The following OCA2 variants were observed in gnomAD, a reference collection of about 807,000 sequenced individuals.
The protein encoded by OCA2 is P protein.
Under a neutral mutation model 100.2 loss-of-function variants are expected in OCA2, and 77 were observed. The ratio of observed to expected loss-of-function variants is 0.77; its 90% CI spans 0.64 to 0.93. The LOEUF is 0.93. OCA2 is among the 40% of genes least tolerant of loss of function. OCA2 has a pLI of 0.00. For synonymous variants in OCA2, 432 were observed against 439.2 expected (o/e 0.98, Z 0.21); for missense variants, 1,062 against 1,089.1 (o/e 0.98, Z 0.35).
the OCA2 span, among the ~76,000 whole-genome samples, chr15:27,740,131 C>T: frequency 6.6e-6 from 1 of 152,174 alleles, no homozygotes; most frequent in African/African-American, 2.4e-5. Flanking sequence ...CATCTGCTTC[C>T]ATAGACGTGA....
chr15:27,951,115 T>C (rs2040011084), intron 18 of OCA2, among the ~76,000 whole-genome samples: 2 of 152,126 alleles, frequency 1.3e-5, no homozygotes, highest in Admixed American at 1.3e-4. Context: ...AGAACGTTTA[T>C]GGAGGGTGGA....
Position 28,027,942 on chromosome 15 carries a change from A to T in OCA2, c.444T>A (p.Ser148=), listed in dbSNP as rs769230626. 6.2e-7 allele frequency: 1 copy of T among 1,614,220 alleles called. No individual in the cohort carries two copies. The highest frequency in any genetic ancestry group is 8.5e-7 in the Non-Finnish European group (1 of 1,180,046). The change falls in exon 4 of 24, where the codon TCT becomes TCA. Residue 148 remains serine, a synonymous_variant. Transcript: ENST00000354638. ...YLLSREVSGL[S]ASASSEKGDL... is the part of the protein sequence containing the mutation. ...CTCCCTTCTCGGAGGAGGCAGATGCAGACAGACCAGACACCTCCCTGCTTA... is the reference window on the plus strand; with the variant it reads ...CTCCCTTCTCGGAGGAGGCAGATGCTGACAGACCAGACACCTCCCTGCTTA...
intron 2 of OCA2, among the ~76,000 whole-genome samples, chr15:28,049,780 T>C (rs1049809590): frequency 2.0e-5 from 3 of 152,186 alleles, no homozygotes; most frequent in Non-Finnish European, 4.4e-5. Context: ...AGAAAGGAAA[T>C]TGCAGGTTCC....
At chr15:27,791,791 G>A (rs1053527216) in intron 23 of OCA2, among the ~76,000 whole-genome samples, 3 of 152,186 alleles carry the variant, frequency 2.0e-5, no homozygotes, top group African/African-American at 2.4e-5. Context: ...CACACTACGG[G>A]GTTGCTTTGG....
chr15:27,794,062 A>C (rs1007057296), intron 23 of OCA2, among the ~76,000 whole-genome samples: 1 of 152,222 alleles, frequency 6.6e-6, no homozygotes, highest in Non-Finnish European at 1.5e-5. Flanking sequence ...TTTTCTTAGT[A>C]AGTCACATTC....
chr15:27,938,248 T>C (rs1392370880), intron 18 of OCA2, among the ~76,000 whole-genome samples: 1 of 152,156 alleles, frequency 6.6e-6, no homozygotes, highest in African/African-American at 2.4e-5. Flanking sequence ...GAAGTGCATG[T>C]AGCTGTGCAG....
chr15:27,813,783 A>T (rs972965982), intron 23 of OCA2, among the ~76,000 whole-genome samples: 5 of 152,212 alleles, frequency 3.3e-5, no homozygotes, highest in Non-Finnish European at 7.3e-5. Flanking sequence ...GAAAGCACTG[A>T]TCTAAAGAAA....
intron 15 of OCA2, among the ~76,000 whole-genome samples, chr15:27,962,309 C>A (rs1406223910): frequency 6.6e-6 from 1 of 152,218 alleles, no homozygotes; most frequent in Non-Finnish European, 1.5e-5. Context: ...GCCACCCTAG[C>A]CTCTTACTAG....
At chr15:27,893,962 A>T (rs2037577154) in intron 19 of OCA2, among the ~76,000 whole-genome samples, 1 of 151,846 alleles carries the variant, frequency 6.6e-6, no homozygotes, top group African/African-American at 2.4e-5. Context: ...GATGCATGTG[A>T]TCTTTGTACT....
At chr15:27,953,164 C>T (rs2040093090) in intron 17 of OCA2, among the ~76,000 whole-genome samples, 1 of 152,198 alleles carries the variant, frequency 6.6e-6, no homozygotes, top group African/African-American at 2.4e-5. Context: ...TGGATTTGGA[C>T]AGATATAGAC....
intron 19 of OCA2, among the ~76,000 whole-genome samples, chr15:27,881,225 G>A (rs2037001058): frequency 6.6e-6 from 1 of 152,156 alleles, no homozygotes. Context: ...TGATCGTGGT[G>A]GATAAGCTTT....
rs1342972074 is a variant in OCA2 at position 27,815,821 on chromosome 15, TA to T, written c.2432+29137del. 3.3e-5 allele frequency among the ~76,000 whole-genome samples: 5 copies of T among 152,372 alleles called. 1 individual carries two copies. The South Asian group carries it at 1.0e-3, about 32-fold the overall frequency. ...TAGCACACACAGTGACCCCCGTGTTTATGTTTTACAAAGAAAATAATCATAT... is the reference window on the plus strand; with the variant it reads ...TAGCACACACAGTGACCCCCGTGTTTTGTTTTACAAAGAAAATAATCATAT... On this transcript the variant is annotated intron_variant, in intron 23 of 23. Coordinates refer to ENST00000354638, the MANE Select transcript of OCA2 (RefSeq NM_000275.3).
At chr15:27,829,561 C>T (rs1245502579) in intron 23 of OCA2, among the ~76,000 whole-genome samples, 1 of 152,204 alleles carries the variant, frequency 6.6e-6, no homozygotes, top group Non-Finnish European at 1.5e-5. Context: ...GCCAAGGGGG[C>T]TGGCTTCAGC....
At chr15:28,070,092 A>C (rs1397909157) in intron 2 of OCA2, among the ~76,000 whole-genome samples, 4 of 100,716 alleles carry the variant, frequency 4.0e-5, no homozygotes, top group African/African-American at 2.3e-4. Flanking sequence ...TGCCCGGCCG[A>C]GACCCCGTCT....
chr15:27,967,086 T>C (rs191481691), intron 14 of OCA2, among the ~76,000 whole-genome samples: 3 of 152,260 alleles, frequency 2.0e-5, no homozygotes, highest in African/African-American at 7.2e-5. Flanking sequence ...GCCGAGATCA[T>C]GCCACTGCAC....
chr15:27,956,804 C>T (rs961312809), intron 16 of OCA2, among the ~76,000 whole-genome samples: 2 of 152,252 alleles, frequency 1.3e-5, no homozygotes, highest in African/African-American at 4.8e-5. Context: ...CTCCATGTGA[C>T]TGCCTGTGAA....
intron 2 of OCA2, among the ~76,000 whole-genome samples, chr15:28,067,752 T>C (rs183518711): frequency 1.9e-4 from 29 of 152,340 alleles, no homozygotes; most frequent in Middle Eastern, 3.4e-3. Context: ...GCTTTATGAC[T>C]GAGAATGTGG....
At chr15:27,963,300 C>G (rs2040464680) in intron 15 of OCA2, among the ~76,000 whole-genome samples, 1 of 152,144 alleles carries the variant, frequency 6.6e-6, no homozygotes, top group Non-Finnish European at 1.5e-5. Flanking sequence ...TAATTGACAT[C>G]ACTGAACATC....
chr15:28,098,152 G>A (rs938855126), intron 1 of OCA2, among the ~76,000 whole-genome samples: 1 of 152,212 alleles, frequency 6.6e-6, no homozygotes, highest in African/African-American at 2.4e-5. Flanking sequence ...AAACTTTAGG[G>A]ACTTATGATC....
Sources: allele counts gnomAD v4.1 joint callset (sites outside exome capture counted in the v4.1 genomes callset), GRCh38; gene constraint gnomAD v4.1.1; transcripts MANE v1.5; gene names NCBI Gene and HGNC (gene_info 2026-07-23, HGNC 2026-07-21).